The following SFT2D2 variants were observed in gnomAD, a reference collection of about 807,000 sequenced individuals.
SFT2D2 encodes vesicle transport protein SFT2B.
A neutral mutation model predicts 27.4 loss-of-function variants in SFT2D2; 21 were observed. The ratio of observed to expected loss-of-function variants is 0.77; its 90% CI spans 0.54 to 1.10. The LOEUF is 1.10. Ranked by LOEUF, SFT2D2 falls within the 50% of genes least tolerant of loss-of-function variation. SFT2D2 has a pLI of 0.00. For synonymous variants in SFT2D2, 72 were observed against 71.7 expected, an observed-to-expected ratio of 1.00 and a Z score of -0.02; for missense variants, 187 against 194.2, an observed-to-expected ratio of 0.96 and a Z score of 0.22.
In SFT2D2 at chr1:168,233,457, G is replaced by A. The variant is rs148930999; in HGVS notation, c.236+1538G>A. Among the ~76,000 whole-genome samples, 1,045 of 152,276 alleles carry A rather than the reference G, an allele frequency of 6.9e-3. 13 individuals carry two copies. The highest frequency in any genetic ancestry group is 0.024 in the African/African-American group (1,002 of 41,552). On this transcript the variant is annotated intron_variant, in intron 3 of 7. Coordinates refer to ENST00000271375, the MANE Select transcript of SFT2D2 (RefSeq NM_199344.3). ...TTGATAAGGGCTGCACGTGTATCTT[G>A]TCCCCAGTTGTACCCAAACTTAGCT...
At chr1:168,233,322 C>T (rs1558175902) in intron 3 of SFT2D2, among the ~76,000 whole-genome samples, 1 of 152,192 alleles carries the variant, frequency 6.6e-6, no homozygotes, top group South Asian at 2.1e-4. Context: ...ATTACCTCCT[C>T]CTCTCCAGAA....
rs1304723639 is a variant in SFT2D2 at position 168,251,838 on chromosome 1, A to C, written c.*9298A>C. 1 of 152,184 alleles carries C rather than the reference A, an allele frequency of 6.6e-6. No homozygotes were observed. The highest frequency in any genetic ancestry group is 1.5e-5 in the Non-Finnish European group (1 of 68,032). The allele number at this position is 152,184 out of a possible 1,614,324, so 9.4% of individuals were successfully genotyped here. On this transcript the variant is annotated 3_prime_UTR_variant, in exon 8 of 8. Coordinates refer to ENST00000271375, the MANE Select transcript of SFT2D2 (RefSeq NM_199344.3). Reference sequence around the variant, plus strand: ...TTATGTCTGTGTAACTCTTGGTAAGATATAACAAAACCTAGACATCTAAAT... The same window carrying C: ...TTATGTCTGTGTAACTCTTGGTAAGCTATAACAAAACCTAGACATCTAAAT...
chr1:168,239,213 G>T (rs1647583617), intron 7 of SFT2D2, 53 bp downstream of exon 7: 9 of 1,374,684 alleles, frequency 6.5e-6, no homozygotes, highest in Non-Finnish European at 9.3e-6. Flanking sequence ...TTCAGAGTCT[G>T]CTTTCAGAGA....
Position 168,246,631 on chromosome 1 carries a change from A to G in SFT2D2, c.*4091A>G. The stretch of plus-strand genomic sequence containing the variant: ...TTTATCTACTGTGCCCTGGAAATCA[A>G]GCTCTTGGTCTCTTTCTGTTGAGTG... On this transcript the variant is annotated 3_prime_UTR_variant, in exon 8 of 8. Coordinates refer to ENST00000271375, the MANE Select transcript of SFT2D2 (RefSeq NM_199344.3). The G allele has an allele frequency of 7.0e-7, 1 of 1,424,358 alleles. No homozygotes were observed. 88.2% of individuals were successfully genotyped at this position (1,424,358 alleles called of 1,614,324 possible). A position where few individuals can be genotyped will look rare whatever the true frequency, so the allele number is the denominator to read the frequency against.
chr1:168,247,601 T>C lies in SFT2D2; in HGVS notation c.*5061T>C, dbSNP rs1179102015. On this transcript the variant is annotated 3_prime_UTR_variant, in exon 8 of 8. Coordinates refer to ENST00000271375, the MANE Select transcript of SFT2D2 (RefSeq NM_199344.3). ...GATGGACATTTGGGTTGGTTCCAAG[T>C]CTTTGCTGTTGTGAACAATGCTGCA... is the stretch of plus-strand genomic sequence containing the variant. 1 of 152,638 alleles carries C rather than the reference T, an allele frequency of 6.6e-6. No homozygotes were observed. The highest frequency in any genetic ancestry group is 1.5e-5 in the Non-Finnish European group (1 of 68,406). 9.5% of individuals were successfully genotyped at this position (152,638 alleles called of 1,614,324 possible).
intron 7 of SFT2D2, among the ~76,000 whole-genome samples, chr1:168,241,803 A>G (rs537932052): frequency 6.6e-6 from 1 of 152,182 alleles, no homozygotes; most frequent in Non-Finnish European, 1.5e-5. Flanking sequence ...TGCAGTGCCT[A>G]CTCATGGAAA....
chr1:168,228,710 T>G (rs1444253033), intron 1 of SFT2D2, among the ~76,000 whole-genome samples: 1 of 152,224 alleles, frequency 6.6e-6, no homozygotes, highest in Non-Finnish European at 1.5e-5. Context: ...GAACAATTCT[T>G]AGTATTATTC....
intron 3 of SFT2D2, among the ~76,000 whole-genome samples, chr1:168,234,074 C>G (rs903534504): frequency 6.6e-6 from 1 of 152,126 alleles, no homozygotes; most frequent in Non-Finnish European, 1.5e-5. Context: ...ATTACTCTTG[C>G]TAGCCATCTC....
intron 1 of SFT2D2, 115 bp from the exon 2 acceptor site, chr1:168,231,399 A>G: frequency 1.2e-6 from 1 of 813,174 alleles, no homozygotes; most frequent in Non-Finnish European, 2.0e-6. Flanking sequence ...AGTGTGTAGG[A>G]TTCTGTGCTC....
chr1:168,233,798 A>G (rs1433321421), intron 3 of SFT2D2, among the ~76,000 whole-genome samples: 1 of 151,890 alleles, frequency 6.6e-6, no homozygotes, highest in African/African-American at 2.4e-5. Flanking sequence ...AAAGGGAGCA[A>G]ATTGTTATTT....
At chr1:168,231,689 C>G in intron 2 of SFT2D2, 89 bp downstream of exon 2, 5 of 1,491,470 alleles carry the variant, frequency 3.4e-6, no homozygotes, top group Non-Finnish European at 4.7e-6. Flanking sequence ...CCCTTTTGCC[C>G]TTCACTAAAA....
intron 7 of SFT2D2, among the ~76,000 whole-genome samples, chr1:168,240,233 A>G (rs184195442): frequency 2.0e-5 from 3 of 151,538 alleles, no homozygotes; most frequent in Admixed American, 2.0e-4. Flanking sequence ...CTTGGGAAGG[A>G]GGAAGAGCAA....
At position 168,226,153 on chromosome 1, in the gene SFT2D2, C is replaced by A; in HGVS notation, c.63+11C>A. ...AGCGGCCTGTCCGAGGTGAGTGAGC[C>A]CGGGGCCGTCGGCCCCCTCTCGCCG... On this transcript the variant is annotated intron_variant, in intron 1 of 7. Coordinates refer to ENST00000271375, the MANE Select transcript of SFT2D2 (RefSeq NM_199344.3). The A allele has an allele frequency of 2.0e-6, 3 of 1,528,776 alleles. No homozygotes were observed. The highest frequency in any genetic ancestry group is 1.8e-6 in the Non-Finnish European group (2 of 1,137,198). 94.7% of individuals were successfully genotyped at this position (1,528,776 alleles called of 1,614,324 possible). A position where few individuals can be genotyped will look rare whatever the true frequency, so the allele number is the denominator to read the frequency against.
At chr1:168,236,668 C>T (rs1251882757) in intron 5 of SFT2D2, 44 bp downstream of exon 5, 1 of 1,613,532 alleles carries the variant, frequency 6.2e-7, no homozygotes, top group South Asian at 1.1e-5. Flanking sequence ...TGGCTTTTGC[C>T]CCTTGTCTCA....
chr1:168,244,879 C>G lies in SFT2D2; in HGVS notation c.*2339C>G, dbSNP rs1294414745. 1 of 152,020 alleles carries G rather than the reference C, an allele frequency of 6.6e-6. No homozygotes were observed. Among genetic ancestry groups the G allele is most frequent in the Admixed American group, 6.6e-5 (1 of 15,266 alleles). The allele number at this position is 152,020 out of a possible 1,614,324, so 9.4% of individuals were successfully genotyped here. A position where few individuals can be genotyped will look rare whatever the true frequency, so the allele number is the denominator to read the frequency against. On this transcript the variant is annotated 3_prime_UTR_variant, in exon 8 of 8. Transcript: ENST00000271375. ...TTTTTTTTTTTTTAGATTGAACAACCATGCTTTGTTTAAAAAATAATCTCA... is the reference window on the plus strand; with the variant it reads ...TTTTTTTTTTTTTAGATTGAACAACGATGCTTTGTTTAAAAAATAATCTCA...
chr1:168,243,252 C>G lies in SFT2D2; in HGVS notation c.*712C>G, dbSNP rs1647701825. 6.6e-6 allele frequency: 1 copy of G among 151,514 alleles called. No homozygotes were observed. Among genetic ancestry groups the G allele is most frequent in the Non-Finnish European group, 1.5e-5 (1 of 67,974 alleles). The allele number at this position is 151,514 out of a possible 1,614,324, so 9.4% of individuals were successfully genotyped here. A position where few individuals can be genotyped will look rare whatever the true frequency, so the allele number is the denominator to read the frequency against. On this transcript the variant is annotated 3_prime_UTR_variant, in exon 8 of 8. Transcript: ENST00000271375. ...CTCCCTGCATATCTTTCTTTATGAC[C>G]TCCTGGCACTAGATGGGGAAAGAAC...
intron 1 of SFT2D2, among the ~76,000 whole-genome samples, chr1:168,228,505 G>A (rs1272940359): frequency 6.6e-6 from 1 of 152,108 alleles, no homozygotes; most frequent in Non-Finnish European, 1.5e-5. Context: ...GTTGAATTTT[G>A]TGATTGATAC....
In SFT2D2 at chr1:168,251,939, T is replaced by C. The variant is rs925668977; in HGVS notation, c.*9399T>C. The C allele has an allele frequency of 6.6e-6, 1 of 152,202 alleles. No homozygotes were observed. The highest frequency in any genetic ancestry group is 1.5e-5 in the Non-Finnish European group (1 of 68,032). 9.4% of individuals were successfully genotyped at this position (152,202 alleles called of 1,614,324 possible). On this transcript the variant is annotated 3_prime_UTR_variant, in exon 8 of 8. Transcript: ENST00000271375. ...CTTTACCTTCTGGTTAATAGTTTTA[T>C]AGTTAAGAAGAAAGTCCAGCGAAGT...
At chr1:168,226,219 G>A in intron 1 of SFT2D2, 77 bp downstream of exon 1, 1 of 1,347,124 alleles carries the variant, frequency 7.4e-7, no homozygotes, top group Non-Finnish European at 1.0e-6. Context: ...TGGGAAGCCT[G>A]CGGGGACTCC....
Sources: allele counts gnomAD v4.1 joint callset (sites outside exome capture counted in the v4.1 genomes callset), GRCh38; gene constraint gnomAD v4.1.1; transcripts MANE v1.5; gene names NCBI Gene and HGNC (gene_info 2026-07-23, HGNC 2026-07-21).